Variants in ZNF813 observed in about 807,000 individuals in gnomAD.
ZNF813 encodes zinc finger protein 813.
In ZNF813, 3 loss-of-function variants were observed where a neutral mutation model predicts 7.2. The ratio of observed to expected loss-of-function variants is 0.42; its 90% CI spans 0.19 to 1.08. The LOEUF (loss-of-function observed/expected upper bound fraction) is 1.08, where lower values mean the gene tolerates loss of function less well. Ranked by LOEUF, ZNF813 falls within the 50% of genes least tolerant of loss-of-function variation. ZNF813 has a pLI of 0.30. For synonymous variants in ZNF813, 227 were observed against 256.3 expected, an observed-to-expected ratio of 0.89 and a Z score of 1.09; for missense variants, 714 against 753.3, an observed-to-expected ratio of 0.95 and a Z score of 0.61.
At chr19:53,489,894 T>C (rs981172660) in intron 3 of ZNF813, among the ~76,000 whole-genome samples, 4 of 152,152 alleles carry the variant, frequency 2.6e-5, no homozygotes, top group Non-Finnish European at 5.9e-5. Flanking sequence ...ACCTTTTCAG[T>C]GCTATGATTG....
At chr19:53,484,283 A>G (rs1231925015) in intron 2 of ZNF813, among the ~76,000 whole-genome samples, 1 of 152,192 alleles carries the variant, frequency 6.6e-6, no homozygotes, top group African/African-American at 2.4e-5. Flanking sequence ...CTGATTTTAT[A>G]GTACATTTTT....
chr19:53,492,128 GAAAC>G lies in ZNF813; in HGVS notation c.*45_*48del, dbSNP rs767055926. 7.0e-6 allele frequency: 11 copies of G among 1,582,386 alleles called. No individual in the cohort carries two copies. Among genetic ancestry groups the G allele is most frequent in the African/African-American group, 6.8e-5 (5 of 73,788 alleles). ...ATCATCATACAATTCATACTGGAAA[GAAAC>G]AAGTGCAATGAGTGTGGCAAGACCT... On this transcript the variant is annotated 3_prime_UTR_variant, in exon 4 of 4. Coordinates refer to ENST00000396403, the MANE Select transcript of ZNF813 (RefSeq NM_001004301.4).
chr19:53,484,997 G>A (rs1326317197), intron 2 of ZNF813, among the ~76,000 whole-genome samples: 3 of 152,204 alleles, frequency 2.0e-5, no homozygotes, highest in African/African-American at 4.8e-5. Context: ...TCCCTGTCAC[G>A]TCCTCCACCC....
intron 1 of ZNF813, among the ~76,000 whole-genome samples, chr19:53,475,106 CT>C (rs34336301): frequency 0.21 from 31,605 of 151,938 alleles, 3,350 homozygotes; most frequent in East Asian, 0.27. Flanking sequence ...CTTCTTTGTA[CT>C]TTATTTCTTG....
rs1370059462 is a variant in ZNF813 at position 53,489,474 on chromosome 19, T to C, written c.143-901T>C. Among the ~76,000 whole-genome samples, 3 of 151,836 alleles carry C rather than the reference T, an allele frequency of 2.0e-5. No individual in the cohort carries two copies. The East Asian group carries it at 6.0e-4, about 31-fold the overall frequency. ...AAAATTAGCCAAGCATGCTGGCATG[T>C]GCCTATTATCCCAGGTACTCAGGAG... On this transcript the variant is annotated intron_variant, in intron 3 of 3. Transcript: ENST00000396403.
At chr19:53,469,795 T>C (rs937538586) in intron 1 of ZNF813, among the ~76,000 whole-genome samples, 343 of 128,630 alleles carry the variant, frequency 2.7e-3, no homozygotes, top group African/African-American at 3.1e-3. Context: ...TGCCAGAGAG[T>C]GGGGACAGGG....
chr19:53,492,929 C>T lies in ZNF813; in HGVS notation c.*843C>T. 2.1e-6 allele frequency: 1 copy of T among 481,338 alleles called. No individual in the cohort carries two copies. Among genetic ancestry groups the T allele is most frequent in the South Asian group, 1.5e-5 (1 of 65,948 alleles). 29.8% of individuals were successfully genotyped at this position (481,338 alleles called of 1,614,324 possible). On this transcript the variant is annotated 3_prime_UTR_variant, in exon 4 of 4. Transcript: ENST00000396403. ...TTCACGTTCACACCTCCTTAGACAT[C>T]AGAGAATGCACACTGGACGGAAATC... is the stretch of plus-strand genomic sequence containing the variant.
At chr19:53,477,943 A>T (rs1019448874) in intron 1 of ZNF813, among the ~76,000 whole-genome samples, 4 of 152,202 alleles carry the variant, frequency 2.6e-5, no homozygotes, top group African/African-American at 4.8e-5. Flanking sequence ...TGTTTAAATT[A>T]TACAGATGAG....
chr19:53,483,426 G>T (rs112953347), intron 1 of ZNF813, among the ~76,000 whole-genome samples: 6,688 of 152,234 alleles, frequency 0.044, 216 homozygotes, highest in South Asian at 0.16. Context: ...GAGCTCAAGA[G>T]ATCTACGCAC....
intron 1 of ZNF813, among the ~76,000 whole-genome samples, chr19:53,473,760 T>C (rs2086370226): frequency 1.3e-5 from 2 of 152,228 alleles, no homozygotes; most frequent in Non-Finnish European, 2.9e-5. Context: ...ATTTGTTTTC[T>C]TAAAGTTAAT....
In ZNF813 at chr19:53,496,018, G is replaced by T. The variant is rs1042183015; in HGVS notation, c.*3932G>T. 2 of 354,554 alleles carry T rather than the reference G, an allele frequency of 5.6e-6. No individual in the cohort carries two copies. Among genetic ancestry groups the T allele is most frequent in the Middle Eastern group, 1.2e-3 (1 of 864 alleles). The allele number at this position is 354,554 out of a possible 1,614,324, so 22.0% of individuals were successfully genotyped here. A position where few individuals can be genotyped will look rare whatever the true frequency, so the allele number is the denominator to read the frequency against. Reference sequence around the variant, plus strand: ...GACTCCAAAAGGAGACATTGGAGAAGAACGAAGCGGGGTCTATAAGGAATT... The same window carrying T: ...GACTCCAAAAGGAGACATTGGAGAATAACGAAGCGGGGTCTATAAGGAATT... On this transcript the variant is annotated 3_prime_UTR_variant, in exon 4 of 4. Transcript: ENST00000396403.
In ZNF813 at chr19:53,490,419, C is replaced by G. The variant is rs1407130049; in HGVS notation, c.187C>G (p.Gln63Glu). ...GATGAAGGAGTTCTCATCAACAGCACAAGGCAATAGAGAAGTGATCCACAC... is the reference window on the plus strand; with the variant it reads ...GATGAAGGAGTTCTCATCAACAGCAGAAGGCAATAGAGAAGTGATCCACAC... Reference protein sequence around the residue: ...CMMKEFSSTAQGNREVIHTGT... With the variant: ...CMMKEFSSTAEGNREVIHTGT... The change falls in exon 4 of 4, where the codon CAA becomes GAA. Residue 63 changes from glutamine (Q) to glutamate (E), a missense_variant. Gln to Glu is a conservative substitution (Grantham distance 29). Transcript: ENST00000396403. 1 of 1,613,794 alleles carries G rather than the reference C, an allele frequency of 6.2e-7. No homozygotes were observed. The highest frequency in any genetic ancestry group is 8.5e-7 in the Non-Finnish European group (1 of 1,179,988).
intron 3 of ZNF813, chr19:53,488,343 T>G (rs1187958970): frequency 4.7e-6 from 2 of 425,508 alleles, no homozygotes; most frequent in African/African-American, 4.2e-5. Context: ...TTAATTTACC[T>G]TTACTGGAGA....
chr19:53,490,943 T>C lies in ZNF813; in HGVS notation c.711T>C (p.His237=), dbSNP rs773773496. The change falls in exon 4 of 4, where the codon CAT becomes CAC. Residue 237 remains histidine (H), a synonymous_variant. Transcript: ENST00000396403. The stretch of plus-strand genomic sequence containing the variant: ...TCTTAAGGAAACATCAAATAATCCA[T>C]TTAGGAGAGAAACAATATAAATGTG... ...SSLLRKHQII[H]LGEKQYKCDV... 2.2e-5 allele frequency: 35 copies of C among 1,613,980 alleles called. No homozygotes were observed. Among genetic ancestry groups the C allele is most frequent in the Non-Finnish European group, 2.9e-5 (34 of 1,179,996 alleles).
At chr19:53,490,318 C>A in intron 3 of ZNF813, 57 bp from the exon 4 acceptor site, 1 of 1,557,304 alleles carries the variant, frequency 6.4e-7, no homozygotes, top group Admixed American at 1.9e-5. Flanking sequence ...TTACACATTT[C>A]AGTATTATTT....
At position 53,493,478 on chromosome 19, in the gene ZNF813, T is replaced by C. The variant is rs1209973021; in HGVS notation, c.*1392T>C. 1 of 151,872 alleles carries C rather than the reference T, an allele frequency of 6.6e-6. No homozygotes were observed. Among genetic ancestry groups the C allele is most frequent in the African/African-American group, 2.5e-5 (1 of 40,800 alleles). The allele number at this position is 151,872 out of a possible 1,614,324, so 9.4% of individuals were successfully genotyped here. ...TAGCAAATGGAAGTGTTTTTAAATT[T>C]TCTTTTAAAATTGTTTATTGTTACA... On this transcript the variant is annotated 3_prime_UTR_variant, in exon 4 of 4. Coordinates refer to ENST00000396403, the MANE Select transcript of ZNF813 (RefSeq NM_001004301.4).
At position 53,490,482 on chromosome 19, in the gene ZNF813, G is replaced by C. The variant is rs777358003; in HGVS notation, c.250G>C (p.Asp84His). The C allele has an allele frequency of 1.2e-6, 2 of 1,614,174 alleles. No individual in the cohort carries two copies. The highest frequency in any genetic ancestry group is 2.2e-5 in the South Asian group (2 of 91,074). The change falls in exon 4 of 4, where the codon GAC (aspartate) becomes CAC (histidine). Residue 84 changes from aspartate (D) to histidine (H), a missense_variant. This residue lies in a region of ZNF813 where 563 missense variants were observed against 554.2 expected (regional missense o/e 1.02). Coordinates refer to ENST00000396403, the MANE Select transcript of ZNF813 (RefSeq NM_001004301.4). ...LQRHESHHTG[D>H]FRFQEIDKDI... ...AAGACATGAAAGTCATCACACTGGAGACTTTCGCTTTCAGGAAATTGATAA... is the reference window on the plus strand; with the variant it reads ...AAGACATGAAAGTCATCACACTGGACACTTTCGCTTTCAGGAAATTGATAA...
At chr19:53,483,726 A>C in intron 1 of ZNF813, 24 bp from the exon 2 acceptor site, 2 of 1,597,034 alleles carry the variant, frequency 1.3e-6, no homozygotes, top group South Asian at 2.2e-5. Flanking sequence ...TCTGAGCAAT[A>C]AACAACATAT....
intron 1 of ZNF813, among the ~76,000 whole-genome samples, chr19:53,468,976 G>C (rs969465425): frequency 7.5e-5 from 9 of 120,488 alleles, no homozygotes; most frequent in Non-Finnish European, 3.7e-5. Context: ...TGTCTCAGTG[G>C]GGGGAAACTT....
Sources: gnomAD v4.1 joint callset for allele counts (sites outside exome capture counted in the v4.1 genomes callset) on GRCh38, gnomAD v4.1.1 for gene constraint, gnomAD v4.1.1 regional missense constraint, MANE v1.5 for transcripts, NCBI Gene and HGNC (gene_info 2026-07-23, HGNC 2026-07-21) for gene names.